The following GNB1L variants were observed in gnomAD, a reference collection of about 807,000 sequenced individuals.
GNB1L encodes guanine nucleotide-binding protein subunit beta-like protein 1.
Under a neutral mutation model 29.1 loss-of-function variants are expected in GNB1L, and 20 were observed. The ratio of observed to expected loss-of-function variants is 0.69; its 90% CI spans 0.48 to 1.00. The LOEUF (loss-of-function observed/expected upper bound fraction) is 1.00. GNB1L is among the 50% of genes least tolerant of loss of function. GNB1L has a pLI of 0.00. For missense variants in GNB1L, 421 were observed against 464.9 expected (o/e 0.91, Z 0.87); for synonymous variants, 193 against 206.5 (o/e 0.93, Z 0.56).
chr22:19,792,789 C>T (rs1937266573), intron 7 of GNB1L: 6 of 1,426,438 alleles, frequency 4.2e-6, no homozygotes, highest in Non-Finnish European at 5.8e-6. Flanking sequence ...TCCCATCGAG[C>T]TGGTTGTCTT....
chr22:19,802,311 C>A, intron 6 of GNB1L, 95 bp from the exon 7 acceptor site: 1 of 949,022 alleles, frequency 1.1e-6, no homozygotes, highest in Non-Finnish European at 1.6e-6. Context: ...GCCCCTCCTG[C>A]TGGCTGGGGC....
At chr22:19,817,537 T>G (rs934651290) in intron 4 of GNB1L, among the ~76,000 whole-genome samples, 2 of 152,194 alleles carry the variant, frequency 1.3e-5, no homozygotes, top group Admixed American at 6.5e-5. Flanking sequence ...TGCAGCTACA[T>G]GCAACACACG....
At chr22:19,802,466 G>A (rs933301783) in intron 6 of GNB1L, among the ~76,000 whole-genome samples, 5 of 152,196 alleles carry the variant, frequency 3.3e-5, no homozygotes, top group African/African-American at 1.2e-4. Flanking sequence ...TAGGGGTGGA[G>A]GGCAGAGAGC....
chr22:19,852,140 G>A (rs895536422), intron 2 of GNB1L: 3 of 1,614,160 alleles, frequency 1.9e-6, no homozygotes, highest in East Asian at 2.2e-5. Flanking sequence ...ATCCACAAGG[G>A]GGGTGTATGC....
At chr22:19,798,575 A>G (rs1375926102) in intron 7 of GNB1L, among the ~76,000 whole-genome samples, 1 of 152,118 alleles carries the variant, frequency 6.6e-6, no homozygotes, top group African/African-American at 2.4e-5. Context: ...CTGACCAGGG[A>G]TCTTCACCTG....
intron 2 of GNB1L, chr22:19,851,021 G>C: frequency 7.0e-7 from 1 of 1,437,574 alleles, no homozygotes; most frequent in Admixed American, 2.9e-5. Context: ...GCTCAGCGCA[G>C]AGTCCAAAAC....
At chr22:19,820,791 T>TGGAGGCCC in intron 3 of GNB1L, 68 bp from the exon 4 acceptor site, 2 of 1,537,514 alleles carry the variant, frequency 1.3e-6, no homozygotes, top group Admixed American at 1.9e-5. Context: ...GGGGCCAGCC[T>TGGAGGCCC]GGAGGCCACA....
chr22:19,823,632 C>A (rs1381961596), intron 2 of GNB1L, among the ~76,000 whole-genome samples: 1 of 152,184 alleles, frequency 6.6e-6, no homozygotes, highest in African/African-American at 2.4e-5. Context: ...GGAAGCAGAG[C>A]CTGACAGGTC....
intron 6 of GNB1L, among the ~76,000 whole-genome samples, chr22:19,805,043 C>G (rs1937417045): frequency 6.6e-6 from 1 of 152,188 alleles, no homozygotes; most frequent in Non-Finnish European, 1.5e-5. Flanking sequence ...ACATGGAGCC[C>G]AGTGACCCAG....
Position 19,788,383 on chromosome 22 carries a change from T to G in GNB1L, c.*326A>C, listed in dbSNP as rs906483074. 1 of 584,442 alleles carries G rather than the reference T, an allele frequency of 1.7e-6. No homozygotes were observed. The highest frequency in any genetic ancestry group is 1.9e-5 in the African/African-American group (1 of 53,694). 36.2% of individuals were successfully genotyped at this position (584,442 alleles called of 1,614,324 possible). ...TGATGCTAAGTGGGGGACCAGGGCC[T>G]CCTCAGGGAGCTCCCACCTCAAGCC... On this transcript the variant is annotated 3_prime_UTR_variant, in exon 8 of 8. Transcript: ENST00000329517.
At chr22:19,795,964 C>A (rs1195575847) in intron 7 of GNB1L, among the ~76,000 whole-genome samples, 3 of 152,056 alleles carry the variant, frequency 2.0e-5, no homozygotes, top group Non-Finnish European at 4.4e-5. Flanking sequence ...ACACCCAGGG[C>A]AACGCTCACA....
intron 2 of GNB1L, among the ~76,000 whole-genome samples, chr22:19,839,893 CAATAAT>C (rs202133155): frequency 6.1e-5 from 9 of 148,746 alleles, no homozygotes; most frequent in Non-Finnish European, 1.2e-4. Flanking sequence ...ATAATAATAA[CAATAAT>C]AATAATAATA....
chr22:19,851,996 G>C, intron 2 of GNB1L: 2 of 1,614,206 alleles, frequency 1.2e-6, no homozygotes, highest in Non-Finnish European at 1.7e-6. Flanking sequence ...GTGGGGTCGG[G>C]AGCTGGGCAT....
chr22:19,833,533 C>A (rs1354750320), intron 2 of GNB1L, among the ~76,000 whole-genome samples: 2 of 152,002 alleles, frequency 1.3e-5, no homozygotes, highest in Non-Finnish European at 2.9e-5. Context: ...CCACCGTACT[C>A]CAGCCTAGGC....
chr22:19,812,631 A>C (rs5992486), intron 4 of GNB1L, among the ~76,000 whole-genome samples, 184 bp from the exon 5 acceptor site: 5,256 of 152,346 alleles, frequency 0.035, 272 homozygotes, highest in African/African-American at 0.11. Context: ...CACTTGAGCC[A>C]GCACCAAAGT....
intron 5 of GNB1L, among the ~76,000 whole-genome samples, chr22:19,808,652 G>A (rs1365018371): frequency 6.6e-6 from 1 of 152,252 alleles, no homozygotes; most frequent in African/African-American, 2.4e-5. Context: ...AGAAGAACGT[G>A]GAGAACCCAG....
chr22:19,807,448 G>C (rs1937449572), intron 5 of GNB1L, among the ~76,000 whole-genome samples: 1 of 152,086 alleles, frequency 6.6e-6, no homozygotes, highest in Non-Finnish European at 1.5e-5. Context: ...CTCGCTCTGG[G>C]AACTGGGGAG....
intron 7 of GNB1L, among the ~76,000 whole-genome samples, chr22:19,801,536 G>A (rs543242382): frequency 1.3e-5 from 2 of 152,302 alleles, no homozygotes; most frequent in South Asian, 4.1e-4. Context: ...CCGCCAGGTG[G>A]CCCTGAGGCT....
rs771543366 is a variant in GNB1L at position 19,820,661 on chromosome 22, T to A, written c.191A>T (p.Asp64Val). The part of the protein sequence containing the change: ...LQTRRAVTTL[D>V]GHGGQCVTWL... Reference sequence around the variant, plus strand: ...GGTCACACACTGGCCGCCGTGGCCATCCAGGGTGGTAACCGCTCTCCGCGT... The same window carrying A: ...GGTCACACACTGGCCGCCGTGGCCAACCAGGGTGGTAACCGCTCTCCGCGT... Residue 64 changes from aspartate to valine, a missense_variant, in exon 4 of 8, where the codon GAT (aspartate) becomes GTT (valine). Asp to Val is a radical substitution (Grantham distance 152, BLOSUM62 -3). Coordinates refer to ENST00000329517, the MANE Select transcript of GNB1L (RefSeq NM_053004.3). The A allele has an allele frequency of 6.2e-7, 1 of 1,613,514 alleles. No individual in the cohort carries two copies. Among genetic ancestry groups the A allele is most frequent in the South Asian group, 1.1e-5 (1 of 91,068 alleles).
Sources: gnomAD v4.1 joint callset for allele counts (sites outside exome capture counted in the v4.1 genomes callset) on GRCh38, gnomAD v4.1.1 for gene constraint, MANE v1.5 for transcripts, NCBI Gene and HGNC (gene_info 2026-07-23, HGNC 2026-07-21) for gene names.